Variants in TTBK2 observed in about 807,000 individuals in gnomAD.
The protein encoded by TTBK2 is tau-tubulin kinase 2.
TTBK2 carries 28 observed loss-of-function variants against 110.8 expected under a neutral mutation model. That is an observed-to-expected ratio of 0.25 (90% CI 0.19 to 0.35). TTBK2 has a LOEUF of 0.35. Among genes scored for constraint, TTBK2 ranks in the 10% least tolerant of loss-of-function variants. The probability of loss-of-function intolerance (pLI) is 1.00; values close to 1 mark genes in which losing one functional copy is unlikely to be tolerated. For missense variants in TTBK2, 1,369 were observed against 1,500.3 expected, an observed-to-expected ratio of 0.91 and a Z score of 1.45; for synonymous variants, 532 against 527.3, an observed-to-expected ratio of 1.01 and a Z score of -0.12.
At position 42,843,616 on chromosome 15, in the gene TTBK2, G is replaced by A. The variant is rs538855196; in HGVS notation, c.218-3183C>T. The stretch of plus-strand genomic sequence containing the variant: ...TCTACTAAAGATACAAAAATCAGCC[G>A]GGCATGGTAGCGCATGCCTGTAGTC... On this transcript the variant is annotated intron_variant, in intron 3 of 14. Coordinates refer to ENST00000267890, the MANE Select transcript of TTBK2 (RefSeq NM_173500.4). Among the ~76,000 whole-genome samples, 21 of 151,996 alleles carry A rather than the reference G, an allele frequency of 1.4e-4. No homozygotes were observed. The East Asian group carries it at 1.7e-3, about 13-fold the overall frequency.
intron 3 of TTBK2, among the ~76,000 whole-genome samples, chr15:42,867,653 A>G (rs1189300603): frequency 6.6e-6 from 1 of 152,242 alleles, no homozygotes; most frequent in East Asian, 1.9e-4. Flanking sequence ...CACCTATCTG[A>G]TGGCCAAAAT....
rs2061742278 is a variant in TTBK2, at chr15:42,740,326, A to G, written c.*5469T>C. On this transcript the variant is annotated 3_prime_UTR_variant, in exon 15 of 15. Transcript: ENST00000267890. Reference sequence around the variant, plus strand: ...CAAAGATCCAGCAAAGTCTAAGGAAATATCCTAATCATTACTGTGTAATGT... The same window carrying G: ...CAAAGATCCAGCAAAGTCTAAGGAAGTATCCTAATCATTACTGTGTAATGT... 6.6e-6 allele frequency: 1 copy of G among 152,236 alleles called. No homozygotes were observed. The highest frequency in any genetic ancestry group is 2.4e-5 in the African/African-American group (1 of 41,456). The allele number at this position is 152,236 out of a possible 1,614,324, so 9.4% of individuals were successfully genotyped here.
rs2061752191 is a variant in TTBK2, at chr15:42,741,649, G to C, written c.*4146C>G. 6.6e-6 allele frequency: 1 copy of C among 152,206 alleles called. No individual in the cohort carries two copies. The highest frequency in any genetic ancestry group is 2.4e-5 in the African/African-American group (1 of 41,450). 9.4% of individuals were successfully genotyped at this position (152,206 alleles called of 1,614,324 possible). On this transcript the variant is annotated 3_prime_UTR_variant, in exon 15 of 15. Coordinates refer to ENST00000267890, the MANE Select transcript of TTBK2 (RefSeq NM_173500.4). ...AAAATACATAAACATGACAGAAGAA[G>C]TGGTTCTCTAACATATGCCATGTTT...
At chr15:42,896,566 C>T (rs28796057) in intron 1 of TTBK2, among the ~76,000 whole-genome samples, 36,443 of 151,988 alleles carry the variant, frequency 0.24, 5,207 homozygotes, top group African/African-American at 0.4. Flanking sequence ...GAAGGACTAT[C>T]GCTGGAGGCC....
At chr15:42,901,927 C>A (rs1453371226) in intron 1 of TTBK2, among the ~76,000 whole-genome samples, 1 of 152,074 alleles carries the variant, frequency 6.6e-6, no homozygotes, top group Non-Finnish European at 1.5e-5. Flanking sequence ...ATCAAAACCA[C>A]AATGAGGGCC....
intron 13 of TTBK2, among the ~76,000 whole-genome samples, chr15:42,761,851 G>T (rs1421894007): frequency 6.6e-6 from 1 of 152,214 alleles, no homozygotes; most frequent in Non-Finnish European, 1.5e-5. Flanking sequence ...GTTTGTGGGT[G>T]TAACGGTTTG....
At chr15:42,784,952 T>C (rs991969280) in intron 10 of TTBK2, among the ~76,000 whole-genome samples, 1 of 152,222 alleles carries the variant, frequency 6.6e-6, no homozygotes, top group East Asian at 1.9e-4. Context: ...GTGCCCCAAG[T>C]ACTTTCTCCC....
Position 42,740,336 on chromosome 15 carries a change from C to G in TTBK2, c.*5459G>C, listed in dbSNP as rs2140530341. ...GCAAAGTCTAAGGAAATATCCTAAT[C>G]ATTACTGTGTAATGTTACTTTTTTG... On this transcript the variant is annotated 3_prime_UTR_variant, in exon 15 of 15. Transcript: ENST00000267890. The G allele has an allele frequency of 6.6e-6, 1 of 152,314 alleles. No homozygotes were observed. 9.4% of individuals were successfully genotyped at this position (152,314 alleles called of 1,614,324 possible). A position where few individuals can be genotyped will look rare whatever the true frequency, so the allele number is the denominator to read the frequency against.
intron 3 of TTBK2, among the ~76,000 whole-genome samples, chr15:42,872,203 G>A (rs1894641244): frequency 1.3e-5 from 2 of 152,182 alleles, no homozygotes; most frequent in South Asian, 4.1e-4. Context: ...ATCCTGCAGT[G>A]TGATTTGAAG....
chr15:42,890,141 C>T (rs1170680475), intron 1 of TTBK2, among the ~76,000 whole-genome samples: 1 of 152,134 alleles, frequency 6.6e-6, no homozygotes, highest in Non-Finnish European at 1.5e-5. Flanking sequence ...ATTCTCCCCA[C>T]CCTTGAGAAT....
rs1042554307 is a variant in TTBK2 at position 42,794,843 on chromosome 15, C to T, written c.823-42G>A. The T allele has an allele frequency of 5.0e-6, 8 of 1,606,738 alleles. No individual in the cohort carries two copies. In the Admixed American group the frequency reaches 1.3e-4, roughly 27 times the overall value. On this transcript the variant is annotated intron_variant, in intron 9 of 14. Transcript: ENST00000267890. The stretch of plus-strand genomic sequence containing the variant: ...AAAACTAGAGTAAGTGAACAGTAAA[C>T]ATAGTCACTTTATTCTATAAGAGAA...
chr15:42,763,157 C>CATATATATATATATATATAT (rs1567008803), intron 13 of TTBK2, among the ~76,000 whole-genome samples: 1 of 20,472 alleles, frequency 4.9e-5, no homozygotes, highest in Non-Finnish European at 7.8e-5. Context: ...TATATATATA[C>CATATATATATATATATATAT]ATATATATAT....
chr15:42,875,714 C>T (rs1894791020), intron 2 of TTBK2, among the ~76,000 whole-genome samples: 1 of 152,030 alleles, frequency 6.6e-6, no homozygotes, highest in African/African-American at 2.4e-5. Flanking sequence ...CCAGACCAGA[C>T]TGGCCAACAT....
rs145111184 is a variant in TTBK2 at position 42,866,197 on chromosome 15, G to A, written c.217+6414C>T. ...CTTGCACCTGTAACCCCAGCTATTC[G>A]GGAGGCTGAGGCAGGAGGATCACTG... On this transcript the variant is annotated intron_variant, in intron 3 of 14. Transcript: ENST00000267890. Among the ~76,000 whole-genome samples the A allele has an allele frequency of 2.8e-4, 43 of 152,194 alleles. No homozygotes were observed. The East Asian group carries it at 2.9e-3, about 10-fold the overall frequency.
At chr15:42,915,206 T>C (rs2031015286) in intron 1 of TTBK2, among the ~76,000 whole-genome samples, 2 of 152,224 alleles carry the variant, frequency 1.3e-5, no homozygotes, top group South Asian at 4.1e-4. Flanking sequence ...TTGAGTATGG[T>C]GATGAAATCT....
chr15:42,807,471 T>C (rs1429205122), intron 9 of TTBK2, among the ~76,000 whole-genome samples: 1 of 152,132 alleles, frequency 6.6e-6, no homozygotes, highest in Non-Finnish European at 1.5e-5. Context: ...TGGAGTGCAG[T>C]GGCACAATTA....
intron 10 of TTBK2, among the ~76,000 whole-genome samples, chr15:42,792,940 C>CT (rs1310244735): frequency 6.6e-6 from 1 of 152,172 alleles, no homozygotes; most frequent in East Asian, 1.9e-4. Flanking sequence ...CCCTGAAGTG[C>CT]TATCACCTGG....
chr15:42,770,565 C>A (rs1013326774), intron 13 of TTBK2, among the ~76,000 whole-genome samples: 2 of 152,198 alleles, frequency 1.3e-5, no homozygotes, highest in African/African-American at 4.8e-5. Flanking sequence ...TGCAGTCCAT[C>A]CAATCACTGA....
At chr15:42,796,356 T>C (rs532436021) in intron 9 of TTBK2, among the ~76,000 whole-genome samples, 1 of 152,100 alleles carries the variant, frequency 6.6e-6, no homozygotes, top group Non-Finnish European at 1.5e-5. Flanking sequence ...GCCAAGATTG[T>C]GCCACTGCAC....
Sources: gnomAD v4.1 joint callset for allele counts (sites outside exome capture counted in the v4.1 genomes callset) on GRCh38, gnomAD v4.1.1 for gene constraint, MANE v1.5 for transcripts, NCBI Gene and HGNC (gene_info 2026-07-23, HGNC 2026-07-21) for gene names.